PGBD2: variants seen among roughly 807,000 people sequenced by gnomAD.
PGBD2 encodes piggyBac transposable element derived 2.
A neutral mutation model predicts 8.1 loss-of-function variants in PGBD2; 6 were observed. That is an observed-to-expected ratio of 0.74 (90% CI 0.40 to 1.46). The LOEUF (loss-of-function observed/expected upper bound fraction) is 1.46, where lower values mean the gene tolerates loss of function less well. Ranked by LOEUF, PGBD2 falls within the 40% of genes most tolerant of loss-of-function variation. The pLI is 0.02. For synonymous variants in PGBD2, 318 were observed against 272.2 expected (o/e 1.17, Z -1.66); for missense variants, 802 against 739.0 (o/e 1.09, Z -0.99).
At chr1:248,914,703 A>C in intron 2 of PGBD2, 1 of 911,952 alleles carries the variant, frequency 1.1e-6, no homozygotes, top group South Asian at 1.5e-5. Flanking sequence ...GTCCATTCTC[A>C]TAGCCAGGGT....
At chr1:248,877,493 C>T in the PGBD2 span, among the ~76,000 whole-genome samples, 6 of 151,830 alleles carry the variant, frequency 4.0e-5, no homozygotes, top group African/African-American at 1.5e-4. Context: ...AGAATAAAGA[C>T]CCAGCCTCCC....
chr1:248,885,761 C>G, the PGBD2 span, among the ~76,000 whole-genome samples: 1 of 152,204 alleles, frequency 6.6e-6, no homozygotes, highest in Non-Finnish European at 1.5e-5. Flanking sequence ...CTGGCCATTT[C>G]CTTCCTAAAT....
At chr1:248,894,703 T>C in the PGBD2 span, among the ~76,000 whole-genome samples, 1 of 127,142 alleles carries the variant, frequency 7.9e-6, no homozygotes. Flanking sequence ...CCCTCCCTCC[T>C]TTCTTTCTTG....
At chr1:248,913,902 T>A (rs76917112) in intron 2 of PGBD2, 23 bp downstream of exon 2, 2 of 1,598,024 alleles carry the variant, frequency 1.3e-6, no homozygotes, top group South Asian at 2.2e-5. Flanking sequence ...TTTGATCAAA[T>A]GTTTTATTGA....
At chr1:248,875,324 A>AAAAAAAAAAAAAAAAAAAG in the PGBD2 span, among the ~76,000 whole-genome samples, 3 of 149,354 alleles carry the variant, frequency 2.0e-5, no homozygotes, top group African/African-American at 7.6e-5. Context: ...AAAAAAAAAA[A>AAAAAAAAAAAAAAAAAAAG]AAAAGAAAAG....
chr1:248,890,906 C>T, the PGBD2 span, among the ~76,000 whole-genome samples: 2 of 151,120 alleles, frequency 1.3e-5, no homozygotes, highest in Admixed American at 1.3e-4. Context: ...ATCACAGATA[C>T]ACACATGCAC....
chr1:248,892,122 T>A, the PGBD2 span, among the ~76,000 whole-genome samples: 490 of 152,288 alleles, frequency 3.2e-3, 5 homozygotes, highest in African/African-American at 0.011. Flanking sequence ...AAACTGTAGA[T>A]TTGAGATTGC....
chr1:248,913,997 A>G (rs1662004433), intron 2 of PGBD2, 118 bp downstream of exon 2: 1 of 880,434 alleles, frequency 1.1e-6, no homozygotes, highest in South Asian at 1.4e-5. Flanking sequence ...GTGTCCAGGA[A>G]GTATAAAGGA....
At chr1:248,924,284 G>C (rs1364092629), downstream of PGBD2, among the ~76,000 whole-genome samples, 1 of 152,230 alleles carries the variant, frequency 6.6e-6, no homozygotes, top group Admixed American at 6.5e-5. Flanking sequence ...CTTCATGACT[G>C]CTGGCTTCCA....
the PGBD2 span, among the ~76,000 whole-genome samples, chr1:248,884,423 C>T: frequency 6.6e-6 from 1 of 152,006 alleles, no homozygotes; most frequent in African/African-American, 2.4e-5. Flanking sequence ...TCATTGCAAC[C>T]TTCGCCTCCT....
At chr1:248,873,911 G>A in the PGBD2 span, among the ~76,000 whole-genome samples, 779 of 152,314 alleles carry the variant, frequency 5.1e-3, 8 homozygotes, top group Non-Finnish European at 5.7e-3. Context: ...CTTGCCTGCG[G>A]GCTTTCTGGT....
At chr1:248,874,774 A>G in the PGBD2 span, among the ~76,000 whole-genome samples, 1 of 152,170 alleles carries the variant, frequency 6.6e-6, no homozygotes, top group Non-Finnish European at 1.5e-5. Flanking sequence ...CATTTTTTAA[A>G]TAAGTAGAGA....
chr1:248,904,873 A>G (rs1337032487), upstream of PGBD2, among the ~76,000 whole-genome samples: 2 of 152,036 alleles, frequency 1.3e-5, no homozygotes, highest in African/African-American at 4.8e-5. Context: ...CATGCCATAT[A>G]TTTTGTTTAC....
chr1:248,912,719 G>C (rs1409144588), intron 1 of PGBD2: 1 of 151,270 alleles, frequency 6.6e-6, no homozygotes, highest in South Asian at 2.1e-4. Flanking sequence ...GAATTTGCAT[G>C]TCCTCTTTGT....
chr1:248,886,337 C>T, the PGBD2 span, among the ~76,000 whole-genome samples: 1 of 152,138 alleles, frequency 6.6e-6, no homozygotes, highest in Non-Finnish European at 1.5e-5. Context: ...AGGGTGATCA[C>T]CTAAATGAGT....
At chr1:248,913,074 T>C (rs574637923) in intron 1 of PGBD2, among the ~76,000 whole-genome samples, 61 of 152,236 alleles carry the variant, frequency 4.0e-4, no homozygotes, top group African/African-American at 1.4e-3. Context: ...AGTGCTGGGA[T>C]TACAGGTGTG....
the PGBD2 span, among the ~76,000 whole-genome samples, chr1:248,898,819 G>A: frequency 6.6e-6 from 1 of 151,900 alleles, no homozygotes; most frequent in East Asian, 1.9e-4. Flanking sequence ...ATGGCAAACT[G>A]GATAGAGTCA....
intron 1 of PGBD2, among the ~76,000 whole-genome samples, chr1:248,908,030 G>A (rs1051606857): frequency 2.6e-5 from 4 of 152,056 alleles, no homozygotes; most frequent in Admixed American, 2.6e-4. Context: ...TCCCATGTAC[G>A]GTTCGTCTGG....
downstream of PGBD2, among the ~76,000 whole-genome samples, chr1:248,924,372 T>C (rs1662345126): frequency 6.6e-6 from 1 of 152,232 alleles, no homozygotes; most frequent in South Asian, 2.1e-4. Context: ...AAAGTCATTT[T>C]TTAATCTTCT....
Sources: allele counts gnomAD v4.1 joint callset (sites outside exome capture counted in the v4.1 genomes callset), GRCh38; gene constraint gnomAD v4.1.1; transcripts MANE v1.5; gene names NCBI Gene and HGNC (gene_info 2026-07-23, HGNC 2026-07-21).